The following OTOGL variants were observed in gnomAD, a reference collection of about 807,000 sequenced individuals.
OTOGL encodes the protein otogelin like.
Under a neutral mutation model 318.5 loss-of-function variants are expected in OTOGL, and 285 were observed. The ratio of observed to expected loss-of-function variants is 0.89; its 90% CI spans 0.81 to 0.99. The LOEUF (loss-of-function observed/expected upper bound fraction) is 0.99. Ranked by LOEUF, OTOGL falls within the 50% of genes least tolerant of loss-of-function variation. The pLI is 0.00. For missense variants in OTOGL, 2,899 were observed against 2,845.6 expected (o/e 1.02, Z -0.43); for synonymous variants, 987 against 936.5 (o/e 1.05, Z -0.99).
chr12:80,343,492 TA>T (rs1258450235), intron 44 of OTOGL: 4 of 145,510 alleles, frequency 2.7e-5, no homozygotes, highest in East Asian at 4.2e-4. Flanking sequence ...TTTACATTTT[TA>T]TTATTTTTTA....
At position 80,367,746 on chromosome 12, in the gene OTOGL, A is replaced by G. The variant is rs1253214059; in HGVS notation, c.6510+7A>G. ...TTCAAAAAAATGTGATGTTGTAAGT[A>G]TTCCTTGTAATTTATTCTGGTGAGA... On this transcript the variant is annotated splice_region_variant and intron_variant, in intron 54 of 58. Coordinates refer to ENST00000547103, the MANE Select transcript of OTOGL (RefSeq NM_001378609.3). The G allele has an allele frequency of 3.4e-5, 46 of 1,363,668 alleles. No homozygotes were observed. The highest frequency in any genetic ancestry group is 3.9e-5 in the Non-Finnish European group (41 of 1,039,054). 84.5% of individuals were successfully genotyped at this position (1,363,668 alleles called of 1,614,324 possible). A position where few individuals can be genotyped will look rare whatever the true frequency, so the allele number is the denominator to read the frequency against.
chr12:80,324,120 AAAATGT>A (rs1223391369), intron 35 of OTOGL, among the ~76,000 whole-genome samples: 3 of 152,230 alleles, frequency 2.0e-5, no homozygotes, highest in Non-Finnish European at 4.4e-5. Flanking sequence ...TAACCAAACA[AAAATGT>A]AAATATATAA....
Position 80,299,339 on chromosome 12 carries a change from A to G in OTOGL, c.3063+2378A>G, listed in dbSNP as rs557354764. Among the ~76,000 whole-genome samples, 312 of 152,318 alleles carry G rather than the reference A, an allele frequency of 2.0e-3. 1 individual carries two copies. Among genetic ancestry groups the G allele is most frequent in the African/African-American group, 7.4e-3 (307 of 41,578 alleles). Reference sequence around the variant, plus strand: ...TAAGAACAAGGATGTTAAAAAAGAAACAAGAGAAAATAGTAAATGGTCTTA... The same window carrying G: ...TAAGAACAAGGATGTTAAAAAAGAAGCAAGAGAAAATAGTAAATGGTCTTA... On this transcript the variant is annotated intron_variant, in intron 27 of 58. Coordinates refer to ENST00000547103, the MANE Select transcript of OTOGL (RefSeq NM_001378609.3).
intron 29 of OTOGL, among the ~76,000 whole-genome samples, chr12:80,309,522 C>A (rs1886488264): frequency 6.6e-6 from 1 of 152,084 alleles, no homozygotes; most frequent in East Asian, 1.9e-4. Context: ...GGTGTAAGGT[C>A]TGAAATACAG....
chr12:80,228,919 G>A lies in OTOGL; in HGVS notation c.490-338G>A, dbSNP rs186365964. Among the ~76,000 whole-genome samples the A allele has an allele frequency of 6.2e-3, 942 of 152,002 alleles. 32 individuals carry two copies. Among genetic ancestry groups the A allele is most frequent in the Non-Finnish European group, 1.4e-3 (98 of 67,968 alleles). On this transcript the variant is annotated intron_variant, in intron 7 of 58. Transcript: ENST00000547103. ...TGATTCTCTAATAGGTAAAAAATAC[G>A]GATGACAAATGTGCTTCTTTGTGGC...
intron 37 of OTOGL, 133 bp downstream of exon 37, chr12:80,329,252 T>G (rs1423277166): frequency 1.5e-6 from 1 of 677,698 alleles, no homozygotes; most frequent in African/African-American, 1.9e-5. Flanking sequence ...GCAGTCACTT[T>G]TGCTTCATTA....
chr12:80,137,559 G>A (rs372093577), intron 1 of OTOGL, among the ~76,000 whole-genome samples: 22 of 152,178 alleles, frequency 1.4e-4, no homozygotes, highest in African/African-American at 5.3e-4. Flanking sequence ...ACCTTAACAT[G>A]CTTTCAAAAC....
At chr12:80,333,651 G>A (rs769214795) in intron 38 of OTOGL, among the ~76,000 whole-genome samples, 2 of 152,118 alleles carry the variant, frequency 1.3e-5, no homozygotes, top group Non-Finnish European at 2.9e-5. Flanking sequence ...TTCTATTGGA[G>A]TTTCTGAGAT....
chr12:80,151,757 C>G (rs1259998369), intron 1 of OTOGL, among the ~76,000 whole-genome samples: 1 of 152,164 alleles, frequency 6.6e-6, no homozygotes, highest in Non-Finnish European at 1.5e-5. Flanking sequence ...TGAAGAGTCA[C>G]TAGTCACTAA....
intron 1 of OTOGL, among the ~76,000 whole-genome samples, chr12:80,134,627 C>T (rs1257316652): frequency 1.3e-5 from 2 of 152,126 alleles, no homozygotes; most frequent in African/African-American, 4.8e-5. Context: ...GACTCCTATT[C>T]CCTGGGTCTT....
rs546541013 is a variant in OTOGL, at chr12:80,326,961, A to G, written c.4200-1704A>G. The stretch of plus-strand genomic sequence containing the variant: ...CGAGGCCTTCAACACTTTAATTCAA[A>G]TTCTTTACAGATGAGGCAATGGAAA... On this transcript the variant is annotated intron_variant, in intron 35 of 58. Transcript: ENST00000547103. Among the ~76,000 whole-genome samples, 40 of 152,338 alleles carry G rather than the reference A, an allele frequency of 2.6e-4. No individual in the cohort carries two copies. The South Asian group carries it at 8.3e-3, about 32-fold the overall frequency.
Position 80,320,485 on chromosome 12 carries a change from A to G in OTOGL, c.3866A>G (p.Asn1289Ser). 1 of 1,613,596 alleles carries G rather than the reference A, an allele frequency of 6.2e-7. No individual in the cohort carries two copies. The highest frequency in any genetic ancestry group is 8.5e-7 in the Non-Finnish European group (1 of 1,179,656). The change falls in exon 34 of 59, where the codon AAT becomes AGT. Residue 1289 changes from asparagine to serine, a missense_variant. Asn to Ser is a conservative substitution (Grantham distance 46). Coordinates refer to ENST00000547103, the MANE Select transcript of OTOGL (RefSeq NM_001378609.3). ...AACTACTTTCTCTATGTCCATGACA[A>G]TGATACTCTTAGCTTGGAGCTGTGG... ...RPNYFLYVHD[N>S]DTLSLELWEA...
intron 1 of OTOGL, among the ~76,000 whole-genome samples, chr12:80,109,100 C>T (rs1399243125): frequency 6.6e-6 from 1 of 151,558 alleles, no homozygotes; most frequent in African/African-American, 2.4e-5. Flanking sequence ...AAAATATGCT[C>T]TAGGTTCATC....
At chr12:80,157,841 C>T (rs770226837) in intron 1 of OTOGL, among the ~76,000 whole-genome samples, 31 of 152,024 alleles carry the variant, frequency 2.0e-4, no homozygotes, top group Non-Finnish European at 3.8e-4. Flanking sequence ...GCTTATCTCA[C>T]TCTTCTATGT....
intron 26 of OTOGL, among the ~76,000 whole-genome samples, chr12:80,292,062 C>T (rs1004120770): frequency 6.6e-6 from 1 of 151,842 alleles, no homozygotes; most frequent in Admixed American, 6.6e-5. Context: ...AATCTTGGCT[C>T]ACCACAACCT....
intron 56 of OTOGL, chr12:80,370,911 G>A (rs1469355201): frequency 7.6e-6 from 2 of 261,856 alleles, no homozygotes; most frequent in African/African-American, 4.5e-5. Context: ...TGCAATCGTT[G>A]GGTTTTTATC....
chr12:80,186,405 T>C (rs1244074582), intron 1 of OTOGL, among the ~76,000 whole-genome samples: 1 of 152,154 alleles, frequency 6.6e-6, no homozygotes, highest in East Asian at 1.9e-4. Context: ...ACCTCTCGGA[T>C]GTCTCTTGTA....
At chr12:80,205,221 TGTA>T (rs1168200640) in intron 1 of OTOGL, among the ~76,000 whole-genome samples, 2 of 152,176 alleles carry the variant, frequency 1.3e-5, no homozygotes, top group African/African-American at 2.4e-5. Context: ...TGCAAAGTGT[TGTA>T]GTAGTTCAGA....
intron 54 of OTOGL, 31 bp from the exon 55 acceptor site, chr12:80,368,174 G>T (rs767389069): frequency 1.4e-6 from 2 of 1,414,670 alleles, no homozygotes; most frequent in African/African-American, 2.8e-5. Flanking sequence ...ATATTGATAT[G>T]GTGTCGCTAA....
Sources: gnomAD v4.1 joint callset for allele counts (sites outside exome capture counted in the v4.1 genomes callset) on GRCh38, gnomAD v4.1.1 for gene constraint, MANE v1.5 for transcripts, NCBI Gene and HGNC (gene_info 2026-07-23, HGNC 2026-07-21) for gene names.